The following TDRD5 variants were observed in gnomAD, a reference collection of about 807,000 sequenced individuals.
The protein encoded by TDRD5 is tudor domain containing 5.
In TDRD5, 41 loss-of-function variants were observed where a neutral mutation model predicts 120.6. That is an observed-to-expected ratio of 0.34 (90% CI 0.26 to 0.44). The LOEUF (loss-of-function observed/expected upper bound fraction) is 0.44. Among genes scored for constraint, TDRD5 ranks in the 20% least tolerant of loss-of-function variants. The probability of loss-of-function intolerance (pLI) is 1.00; values close to 1 mark genes in which losing one functional copy is unlikely to be tolerated. For synonymous variants in TDRD5, 430 were observed against 433.7 expected, an observed-to-expected ratio of 0.99 and a Z score of 0.11; for missense variants, 1,006 against 1,221.2, an observed-to-expected ratio of 0.82 and a Z score of 2.63.
At chr1:179,615,218 G>T (rs1558380651) in intron 4 of TDRD5, among the ~76,000 whole-genome samples, 1 of 152,096 alleles carries the variant, frequency 6.6e-6, no homozygotes, top group African/African-American at 2.4e-5. Context: ...ACCATATCTA[G>T]CTTATTTACC....
intron 11 of TDRD5, 35 bp from the exon 12 acceptor site, chr1:179,650,828 GATCT>G (rs779466160): frequency 8.2e-6 from 13 of 1,585,956 alleles, no homozygotes; most frequent in Non-Finnish European, 1.0e-5. Context: ...TTCATGTTTA[GATCT>G]ATCACCTGAA....
rs767048021 is a variant in TDRD5, at chr1:179,639,836, C to A, written c.1521-3C>A. ...GATTTCTCTGTATTATGGAATTCCA[C>A]AGGCGCTGTTATTCTAATCAGCTGG... On this transcript the variant is annotated splice_region_variant and splice_polypyrimidine_tract_variant and intron_variant, in intron 9 of 17. Coordinates refer to ENST00000444136, the MANE Select transcript of TDRD5 (RefSeq NM_001199085.3). 6 of 1,613,686 alleles carry A rather than the reference C, an allele frequency of 3.7e-6. No individual in the cohort carries two copies. In the Admixed American group the frequency reaches 1.0e-4, roughly 27 times the overall value.
At chr1:179,650,499 AT>A in intron 11 of TDRD5, among the ~76,000 whole-genome samples, 1 of 151,406 alleles carries the variant, frequency 6.6e-6, no homozygotes, top group African/African-American at 2.4e-5. Context: ...TTTTGGCCTG[AT>A]AATTTGTTCA....
intron 11 of TDRD5, among the ~76,000 whole-genome samples, chr1:179,642,088 ACTTT>A (rs1461003538): frequency 6.8e-6 from 1 of 146,880 alleles, no homozygotes; most frequent in Non-Finnish European, 1.5e-5. Flanking sequence ...TTCCCTTCTT[ACTTT>A]CTTTTTTTCT....
At chr1:179,607,595 A>G (rs1676045450) in intron 4 of TDRD5, among the ~76,000 whole-genome samples, 1 of 151,874 alleles carries the variant, frequency 6.6e-6, no homozygotes, top group Admixed American at 6.6e-5. Flanking sequence ...TTCAACCTAT[A>G]TTTTTAACTT....
At chr1:179,620,622 C>T (rs1470124335) in intron 5 of TDRD5, among the ~76,000 whole-genome samples, 1 of 152,032 alleles carries the variant, frequency 6.6e-6, no homozygotes, top group Non-Finnish European at 1.5e-5. Context: ...ATGCTCTTAA[C>T]AGATCTTTTA....
chr1:179,613,816 G>A (rs1158784936), intron 4 of TDRD5, among the ~76,000 whole-genome samples: 1 of 152,172 alleles, frequency 6.6e-6, no homozygotes, highest in African/African-American at 2.4e-5. Context: ...TGGGGAGTGG[G>A]GAGTAGAGAG....
intron 14 of TDRD5, among the ~76,000 whole-genome samples, chr1:179,654,811 C>T (rs1436996914): frequency 6.6e-6 from 1 of 151,864 alleles, no homozygotes; most frequent in East Asian, 1.9e-4. Context: ...TTCATAGTAA[C>T]CAAGACTAAA....
chr1:179,680,294 A>G (rs1680353892), intron 17 of TDRD5, among the ~76,000 whole-genome samples: 2 of 152,238 alleles, frequency 1.3e-5, no homozygotes, highest in South Asian at 2.1e-4. Context: ...AAAGTATTTC[A>G]TAATATCAAG....
chr1:179,618,578 T>G (rs201283344), intron 4 of TDRD5, 21 bp from the exon 5 acceptor site: 1 of 1,540,104 alleles, frequency 6.5e-7, no homozygotes, highest in East Asian at 2.4e-5. Context: ...GTGACTTGAC[T>G]TTTTTTTTCT....
intron 15 of TDRD5, among the ~76,000 whole-genome samples, chr1:179,662,958 A>G (rs1213576202): frequency 1.3e-5 from 2 of 152,188 alleles, no homozygotes; most frequent in Non-Finnish European, 2.9e-5. Flanking sequence ...TGGAGTCAGC[A>G]TATTTGCTAA....
chr1:179,676,676 C>T (rs1680161958), intron 17 of TDRD5, among the ~76,000 whole-genome samples: 1 of 152,134 alleles, frequency 6.6e-6, no homozygotes, highest in Non-Finnish European at 1.5e-5. Flanking sequence ...GAAATAGGAC[C>T]CCAGTCCCTT....
chr1:179,652,479 G>A (rs989760225), intron 13 of TDRD5, among the ~76,000 whole-genome samples: 1 of 151,996 alleles, frequency 6.6e-6, no homozygotes, highest in Admixed American at 6.6e-5. Flanking sequence ...CAGTACACAG[G>A]TTCTTCAGGT....
chr1:179,640,198 C>A, intron 10 of TDRD5, 147 bp downstream of exon 10: 1 of 1,055,322 alleles, frequency 9.5e-7, no homozygotes, highest in South Asian at 1.5e-5. Context: ...ACAACTGGGT[C>A]ATTTCATTTC....
chr1:179,634,177 C>A (rs6702593), intron 7 of TDRD5, among the ~76,000 whole-genome samples: 56,759 of 140,218 alleles, frequency 0.4, 11,519 homozygotes, highest in Admixed American at 0.45. Flanking sequence ...TCTCAAAAAA[C>A]AAAAAAACAA....
At chr1:179,630,667 T>G (rs899809463) in intron 6 of TDRD5, 100 bp from the exon 7 acceptor site, 5 of 1,253,388 alleles carry the variant, frequency 4.0e-6, no homozygotes, top group Non-Finnish European at 5.5e-6. Flanking sequence ...TTGAGTTCAT[T>G]GACCCTTTAA....
rs111855083 is a variant in TDRD5 at position 179,671,949 on chromosome 1, GGTGTGTGTGTGTGTGT to G, written c.2860+2574_2860+2589del. On this transcript the variant is annotated intron_variant, in intron 17 of 17. Transcript: ENST00000444136. ...TTTTTATGGCTGAGAAATATTCCAT[GGTGTGTGTGTGTGTGT>G]GTGTGTGTGTGTGTGTGTGTGTGTG... Among the ~76,000 whole-genome samples the G allele has an allele frequency of 4.9e-4, 69 of 141,808 alleles. No individual in the cohort carries two copies. The Middle Eastern group carries it at 0.014, about 29-fold the overall frequency. The allele number at this position is 141,808 out of a possible 152,430, so 93.0% of individuals were successfully genotyped here.
At chr1:179,648,751 G>A (rs1476290641) in intron 11 of TDRD5, among the ~76,000 whole-genome samples, 1 of 151,244 alleles carries the variant, frequency 6.6e-6, no homozygotes, top group Non-Finnish European at 1.5e-5. Flanking sequence ...ATGAGACGTG[G>A]ACCAAGATTA....
At position 179,663,362 on chromosome 1, in the gene TDRD5, T is replaced by C; in HGVS notation, c.2520T>C (p.Ser840=). 1 of 1,611,334 alleles carries C rather than the reference T, an allele frequency of 6.2e-7. No homozygotes were observed. The highest frequency in any genetic ancestry group is 1.3e-5 in the African/African-American group (1 of 74,924). ...KEMPQKDWCF[S]TPKDTWDDSW... is the part of the protein sequence containing the mutation. ...TTTCATTATAGGACTGGTGTTTTTCTACCCCTAAAGATACATGGGATGATT... is the reference window on the plus strand; with the variant it reads ...TTTCATTATAGGACTGGTGTTTTTCCACCCCTAAAGATACATGGGATGATT... The change falls in exon 16 of 18, where the codon TCT becomes TCC. Residue 840 remains serine (S), a synonymous_variant. Coordinates refer to ENST00000444136, the MANE Select transcript of TDRD5 (RefSeq NM_001199085.3).
Sources: gnomAD v4.1 joint callset for allele counts (sites outside exome capture counted in the v4.1 genomes callset) on GRCh38, gnomAD v4.1.1 for gene constraint, MANE v1.5 for transcripts, NCBI Gene and HGNC (gene_info 2026-07-23, HGNC 2026-07-21) for gene names.